The following SEMA6C variants were observed in gnomAD, a reference collection of about 807,000 sequenced individuals.
The protein encoded by SEMA6C is semaphorin 6C.
A neutral mutation model predicts 72.9 loss-of-function variants in SEMA6C; 37 were observed. That is an observed-to-expected ratio of 0.51 (90% CI 0.39 to 0.67). SEMA6C has a LOEUF of 0.67. SEMA6C is among the 30% of genes least tolerant of loss of function. The pLI, the probability that SEMA6C is intolerant of heterozygous loss-of-function variation, is 0.00. For missense variants in SEMA6C, 1,189 were observed against 1,263.6 expected, an observed-to-expected ratio of 0.94 and a Z score of 0.89; for synonymous variants, 578 against 554.1, an observed-to-expected ratio of 1.04 and a Z score of -0.61.
intron 12 of SEMA6C, 87 bp from the exon 13 acceptor site, chr1:151,136,250 C>A: frequency 6.4e-7 from 1 of 1,558,438 alleles, no homozygotes; most frequent in Non-Finnish European, 8.7e-7. Flanking sequence ...CCAAACCTGA[C>A]TGGAAAGCCT....
In SEMA6C at chr1:151,132,056, T is replaced by A. The variant is rs1339323203; in HGVS notation, c.*428A>T. ...CGCCCGAGTGAAGTCAGGCAGTGGC[T>A]GCAGACACGGCTGTATTGGGAAGCG... On this transcript the variant is annotated 3_prime_UTR_variant, in exon 19 of 19. Transcript: ENST00000368914. 2.1e-6 allele frequency: 1 copy of A among 487,276 alleles called. No homozygotes were observed. The highest frequency in any genetic ancestry group is 3.2e-6 in the Non-Finnish European group (1 of 313,638). 30.2% of individuals were successfully genotyped at this position (487,276 alleles called of 1,614,324 possible).
rs1435055200 is a variant in SEMA6C at position 151,136,979 on chromosome 1, C to A, written c.852G>T (p.Arg284=). 3 of 1,614,172 alleles carry A rather than the reference C, an allele frequency of 1.9e-6. No individual in the cohort carries two copies. In the South Asian group the frequency reaches 3.3e-5, roughly 18 times the overall value. ...DRHWTSFLKL[R]LNCSVPGDST... ...AGTCCCCAGGGACAGAGCAGTTGAGCCGAAGCTTCAGGAAGGATGTCCAGT... is the reference window on the plus strand; with the variant it reads ...AGTCCCCAGGGACAGAGCAGTTGAGACGAAGCTTCAGGAAGGATGTCCAGT... Residue 284 remains arginine (R), a synonymous_variant, in exon 11 of 19, where the codon CGG becomes CGT. Transcript: ENST00000368914.
chr1:151,134,654 C>G lies in SEMA6C; in HGVS notation c.1680G>C (p.Gly560=). The G allele has an allele frequency of 6.2e-7, 1 of 1,614,152 alleles. No homozygotes were observed. The highest frequency in any genetic ancestry group is 8.5e-7 in the Non-Finnish European group (1 of 1,180,028). ...CACCATGCTCCATGGATTCCTGGTT[C>G]CCAGCCTGATCCACATCAGTCCTAG... ...GSGGTDVDQA[G]NQESMEHGDC... is the part of the protein sequence containing the mutation. Residue 560 remains glycine, a synonymous_variant, in exon 17 of 19, where the codon GGG becomes GGC. Coordinates refer to ENST00000368914, the MANE Select transcript of SEMA6C (RefSeq NM_030913.6).
chr1:151,136,949 A>C lies in SEMA6C; in HGVS notation c.882T>G (p.Thr294=), dbSNP rs587709464. The C allele has an allele frequency of 8.2e-5, 132 of 1,614,134 alleles. 1 individual carries two copies. In the South Asian group the frequency reaches 1.4e-3, roughly 18 times the overall value. ...RLNCSVPGDS[T]FYFDVLQALT... ...AGGCCTGTAAAACATCAAAATAGAAAGTAGAGTCCCCAGGGACAGAGCAGT... is the reference window on the plus strand; with the variant it reads ...AGGCCTGTAAAACATCAAAATAGAACGTAGAGTCCCCAGGGACAGAGCAGT... The change falls in exon 11 of 19, where the codon ACT becomes ACG. Residue 294 remains threonine, a synonymous_variant. Transcript: ENST00000368914.
chr1:151,134,742 C>T, intron 16 of SEMA6C, 56 bp downstream of exon 16: 1 of 1,612,716 alleles, frequency 6.2e-7, no homozygotes, highest in Non-Finnish European at 8.5e-7. Flanking sequence ...TGGCCCTCAG[C>T]TTGTCTTATT....
At position 151,132,144 on chromosome 1, in the gene SEMA6C, AGC is replaced by A. The variant is rs1572014782; in HGVS notation, c.*338_*339del. 4 of 1,286,858 alleles carry A rather than the reference AGC, an allele frequency of 3.1e-6. No individual in the cohort carries two copies. The highest frequency in any genetic ancestry group is 8.3e-5 in the East Asian group (2 of 24,062). The allele number at this position is 1,286,858 out of a possible 1,614,324, so 79.7% of individuals were successfully genotyped here. ...CAGAAGGCCCGAGGACTCTGGACACAGCGCGCGCGGCCCGCCCGGGGCACAGT... is the reference window on the plus strand; with the variant it reads ...CAGAAGGCCCGAGGACTCTGGACACAGCGCGCGGCCCGCCCGGGGCACAGT... On this transcript the variant is annotated 3_prime_UTR_variant, in exon 19 of 19. Coordinates refer to ENST00000368914, the MANE Select transcript of SEMA6C (RefSeq NM_030913.6).
In SEMA6C at chr1:151,137,004, T is replaced by TGGCGGTCCAAGGCCCGA; in HGVS notation, c.810_826dup (p.His276LeufsTer12). 6.2e-7 allele frequency: 1 copy of TGGCGGTCCAAGGCCCGA among 1,614,080 alleles called. No individual in the cohort carries two copies. Among genetic ancestry groups the TGGCGGTCCAAGGCCCGA allele is most frequent in the Non-Finnish European group, 8.5e-7 (1 of 1,180,012 alleles). On this transcript the variant is annotated frameshift_variant, in exon 11 of 19. Transcript: ENST00000368914. LOFTEE classifies it high-confidence loss of function. ...CCGAAGCTTCAGGAAGGATGTCCAG[T>TGGCGGTCCAAGGCCCGA]GGCGGTCCAAGGCCCGAGGCGAGCC...
rs1682870714 is a variant in SEMA6C, at chr1:151,145,592, G to A, written c.-105+841C>T. 1 of 153,034 alleles carries A rather than the reference G, an allele frequency of 6.5e-6. No homozygotes were observed. The highest frequency in any genetic ancestry group is 2.4e-5 in the African/African-American group (1 of 41,498). The allele number at this position is 153,034 out of a possible 1,614,324, so 9.5% of individuals were successfully genotyped here. A position where few individuals can be genotyped will look rare whatever the true frequency, so the allele number is the denominator to read the frequency against. Reference sequence around the variant, plus strand: ...CCCTCACCGGATCCGGGGCTCCGAGGAGGGGCCGGTAGCAGAGTCTGGGCC... The same window carrying A: ...CCCTCACCGGATCCGGGGCTCCGAGAAGGGGCCGGTAGCAGAGTCTGGGCC... On this transcript the variant is annotated intron_variant, in intron 1 of 18. Coordinates refer to ENST00000368914, the MANE Select transcript of SEMA6C (RefSeq NM_030913.6). The surrounding 1 kb of genome is among the most constrained non-coding windows in gnomAD (Gnocchi z 4.4).
rs1254908195 is a variant in SEMA6C at position 151,139,963 on chromosome 1, A to G, written c.233+13T>C. 3 of 1,610,260 alleles carry G rather than the reference A, an allele frequency of 1.9e-6. No homozygotes were observed. Among genetic ancestry groups the G allele is most frequent in the Non-Finnish European group, 1.7e-6 (2 of 1,176,756 alleles). ...TGCATGTCTGCCCCACAACTGTGCC[A>G]CGGCCAGTTTACCGGGCAGCCACTA... On this transcript the variant is annotated intron_variant, in intron 4 of 18. Coordinates refer to ENST00000368914, the MANE Select transcript of SEMA6C (RefSeq NM_030913.6).
intron 4 of SEMA6C, 113 bp downstream of exon 4, chr1:151,139,863 G>A (rs770726028): frequency 2.8e-5 from 35 of 1,238,198 alleles, no homozygotes; most frequent in South Asian, 1.1e-4. Context: ...TCCACACCCC[G>A]TGGCTTGTGC....
At chr1:151,135,119 C>T (rs773691674) in intron 15 of SEMA6C, 44 bp downstream of exon 15, 34 of 1,603,260 alleles carry the variant, frequency 2.1e-5, no homozygotes, top group South Asian at 5.6e-5. Context: ...CTTGCTGGCC[C>T]GGGGAGCTTG....
chr1:151,138,690 G>A lies in SEMA6C; in HGVS notation c.396C>T (p.Asp132=). 6 of 1,614,220 alleles carry A rather than the reference G, an allele frequency of 3.7e-6. No homozygotes were observed. Among genetic ancestry groups the A allele is most frequent in the Non-Finnish European group, 5.1e-6 (6 of 1,180,032 alleles). The change falls in exon 7 of 19, where the codon GAC becomes GAT. Residue 132 remains aspartate, a synonymous_variant. Coordinates refer to ENST00000368914, the MANE Select transcript of SEMA6C (RefSeq NM_030913.6). ...YNYIRVLVPW[D]SQTLLACGTN... Reference sequence around the variant, plus strand: ...TTCCACAGGCAAGGAGCGTCTGGGAGTCCCAGGGAACAAGAACACGAATAT... The same window carrying A: ...TTCCACAGGCAAGGAGCGTCTGGGAATCCCAGGGAACAAGAACACGAATAT...
At chr1:151,138,262 AG>A in intron 8 of SEMA6C, 53 bp downstream of exon 8, 1 of 1,591,366 alleles carries the variant, frequency 6.3e-7, no homozygotes, top group Non-Finnish European at 8.6e-7. Context: ...AGAGGAGCTA[AG>A]GTGGGAGCTC....
At position 151,138,094 on chromosome 1, in the gene SEMA6C, A is replaced by G; in HGVS notation, c.559T>C (p.Tyr187His). 1 of 1,614,066 alleles carries G rather than the reference A, an allele frequency of 6.2e-7. No homozygotes were observed. Among genetic ancestry groups the G allele is most frequent in the East Asian group, 2.2e-5 (1 of 44,886 alleles). Residue 187 changes from tyrosine to histidine, a missense_variant, in exon 9 of 19, where the codon TAC becomes CAC. This residue lies in a region of SEMA6C where 468 missense variants were observed against 577.4 expected (regional missense o/e 0.81). Coordinates refer to ENST00000368914, the MANE Select transcript of SEMA6C (RefSeq NM_030913.6). ...TGGAAATCCGCAGCTGTGGCTGAGTACAGGCTGCCCTCTGGAGGGATGGGT... is the reference window on the plus strand; with the variant it reads ...TGGAAATCCGCAGCTGTGGCTGAGTGCAGGCTGCCCTCTGGAGGGATGGGT... ...NVAIFAEGSL[Y>H]SATAADFQAS...
Position 151,138,406 on chromosome 1 carries a change from T to C in SEMA6C, c.457A>G (p.Ile153Val). The change falls in exon 8 of 19, where the codon ATA becomes GTA. Residue 153 changes from isoleucine to valine, a missense_variant and splice_region_variant. This residue lies in a region of SEMA6C where 468 missense variants were observed against 577.4 expected (regional missense o/e 0.81). Coordinates refer to ENST00000368914, the MANE Select transcript of SEMA6C (RefSeq NM_030913.6). ...SFSPVCRSYG[I>V]TSLQQEGEEL... ...TCACCCTCCTGCTGCAGCGAAGTTA[T>C]CTGAGGGCAGAGGGAGCAGATGCCT... is the stretch of plus-strand genomic sequence containing the variant. The C allele has an allele frequency of 6.2e-7, 1 of 1,613,240 alleles. No homozygotes were observed. Among genetic ancestry groups the C allele is most frequent in the Non-Finnish European group, 8.5e-7 (1 of 1,179,580 alleles).
rs1293445354 is a variant in SEMA6C, at chr1:151,131,924, C to T, written c.*560G>A. 3 of 216,186 alleles carry T rather than the reference C, an allele frequency of 1.4e-5. No homozygotes were observed. The highest frequency in any genetic ancestry group is 5.1e-5 in the South Asian group (1 of 19,500). The allele number at this position is 216,186 out of a possible 1,614,324, so 13.4% of individuals were successfully genotyped here. Reference sequence around the variant, plus strand: ...TCCTTTAGGAAACCTTTCCAGACTGCCCCCCGGCGGGACCGCAGCCATCCC... The same window carrying T: ...TCCTTTAGGAAACCTTTCCAGACTGTCCCCCGGCGGGACCGCAGCCATCCC... On this transcript the variant is annotated 3_prime_UTR_variant, in exon 19 of 19. Transcript: ENST00000368914.
rs1268164506 is a variant in SEMA6C, at chr1:151,133,154, G to T, written c.2123C>A (p.Pro708Gln). The change falls in exon 19 of 19, where the codon CCG becomes CAG. Residue 708 changes from proline (P) to glutamine (Q), a missense_variant. Physicochemically the swap from Pro to Gln is moderately conservative, Grantham distance 76. Transcript: ENST00000368914. The surrounding 1 kb of genome is among the most constrained non-coding windows in gnomAD (Gnocchi z 5.9). ...CCCGGCGGCGCGGAGGTGCTTGACCGGCAGCTCCGGCGTGGACTCGGGGGT... is the reference window on the plus strand; with the variant it reads ...CCCGGCGGCGCGGAGGTGCTTGACCTGCAGCTCCGGCGTGGACTCGGGGGT... ...LPTPESTPEL[P>Q]VKHLRAAGDP... 5 of 1,550,448 alleles carry T rather than the reference G, an allele frequency of 3.2e-6. No homozygotes were observed. Among genetic ancestry groups the T allele is most frequent in the Admixed American group, 3.9e-5 (2 of 50,818 alleles).
rs1435149443 is a variant in SEMA6C, at chr1:151,145,476, C to T, written c.-105+957G>A. The T allele has an allele frequency of 1.3e-5, 2 of 152,550 alleles. No homozygotes were observed. The highest frequency in any genetic ancestry group is 4.8e-5 in the African/African-American group (2 of 41,464). The allele number at this position is 152,550 out of a possible 1,614,324, so 9.4% of individuals were successfully genotyped here. A position where few individuals can be genotyped will look rare whatever the true frequency, so the allele number is the denominator to read the frequency against. Reference sequence around the variant, plus strand: ...CTTAGCCCCACACTCAGCACCTACCCTCCTTCCCACCCAACCCCCAACCAG... The same window carrying T: ...CTTAGCCCCACACTCAGCACCTACCTTCCTTCCCACCCAACCCCCAACCAG... On this transcript the variant is annotated intron_variant, in intron 1 of 18. Transcript: ENST00000368914. The surrounding 1 kb of genome is among the most constrained non-coding windows in gnomAD (Gnocchi z 4.4).
In SEMA6C at chr1:151,138,552, G is replaced by A. The variant is rs149714370; in HGVS notation, c.456+78C>T. ...CTCCCATTCCCCAACCGCAGTCCTT[G>A]GTCCTTTCCCATCAAACCCATTGCC... On this transcript the variant is annotated intron_variant, in intron 7 of 18. Coordinates refer to ENST00000368914, the MANE Select transcript of SEMA6C (RefSeq NM_030913.6). The A allele has an allele frequency of 5.5e-5, 82 of 1,493,052 alleles. No homozygotes were observed. In the East Asian group the frequency reaches 1.9e-3, roughly 34 times the overall value. 92.5% of individuals were successfully genotyped at this position (1,493,052 alleles called of 1,614,324 possible). A position where few individuals can be genotyped will look rare whatever the true frequency, so the allele number is the denominator to read the frequency against.
Sources: allele counts gnomAD v4.1 joint callset, GRCh38; gene constraint gnomAD v4.1.1; regional missense constraint gnomAD v4.1.1; non-coding constraint Gnocchi (gnomAD v3.1); transcripts MANE v1.5; gene names NCBI Gene and HGNC (gene_info 2026-07-23, HGNC 2026-07-21).